Variants in DENND6A observed in about 807,000 individuals in gnomAD.
The protein encoded by DENND6A is DENN domain containing 6A.
DENND6A carries 43 observed loss-of-function variants against 95.5 expected under a neutral mutation model. The observed-to-expected ratio is 0.45, with a 90% CI of 0.35 to 0.58. DENND6A has a LOEUF of 0.58. DENND6A is among the 20% of genes least tolerant of loss of function. The probability of loss-of-function intolerance (pLI) is 0.00; values close to 1 mark genes in which losing one functional copy is unlikely to be tolerated. For missense variants in DENND6A, 574 were observed against 736.0 expected (o/e 0.78, Z 2.55); for synonymous variants, 257 against 260.4 (o/e 0.99, Z 0.13).
At chr3:57,682,957 C>A (rs750840948) in intron 1 of DENND6A, among the ~76,000 whole-genome samples, 4 of 152,194 alleles carry the variant, frequency 2.6e-5, no homozygotes, top group Non-Finnish European at 5.9e-5. Context: ...GGACTACAGG[C>A]ATGAGCCAGC....
chr3:57,679,930 G>A (rs1180491795), intron 1 of DENND6A, among the ~76,000 whole-genome samples: 1 of 152,152 alleles, frequency 6.6e-6, no homozygotes, highest in African/African-American at 2.4e-5. Flanking sequence ...TATAGAGATG[G>A]TACAGGGTGC....
chr3:57,628,135 T>C lies in DENND6A; in HGVS notation c.*79A>G. On this transcript the variant is annotated 3_prime_UTR_variant, in exon 20 of 20. Coordinates refer to ENST00000311128, the MANE Select transcript of DENND6A (RefSeq NM_152678.3). ...TTTCCACTCCGCTGCCACTGAGAGA[T>C]CTCCTTTGTGCGTCTGGTTGAAATG... 6.5e-7 allele frequency: 1 copy of C among 1,541,168 alleles called. No homozygotes were observed. The highest frequency in any genetic ancestry group is 8.7e-7 in the Non-Finnish European group (1 of 1,143,164).
intron 12 of DENND6A, among the ~76,000 whole-genome samples, chr3:57,635,130 C>T (rs2070763963): frequency 6.6e-6 from 1 of 152,166 alleles, no homozygotes. Flanking sequence ...ATAAAATACC[C>T]TTTAAGTATA....
At chr3:57,631,178 C>T in intron 15 of DENND6A, 200 bp from the exon 16 acceptor site, 1 of 557,040 alleles carries the variant, frequency 1.8e-6, no homozygotes, top group Non-Finnish European at 3.2e-6. Context: ...TCAACTAAAT[C>T]TTAGATAAAC....
rs2077191725 is a variant in DENND6A, at chr3:57,684,200, G to A, written c.237+8582C>T. 2.0e-5 allele frequency among the ~76,000 whole-genome samples: 3 copies of A among 147,870 alleles called. No individual in the cohort carries two copies. The Admixed American group carries it at 2.1e-4, about 10-fold the overall frequency. On this transcript the variant is annotated intron_variant, in intron 1 of 19. Coordinates refer to ENST00000311128, the MANE Select transcript of DENND6A (RefSeq NM_152678.3). ...TTATGGGCCAGGCACGGTGGCCCAT[G>A]CCTGTAATCCCAGCACCTTGGGAGG... is the stretch of plus-strand genomic sequence containing the variant.
intron 1 of DENND6A, among the ~76,000 whole-genome samples, chr3:57,691,701 C>CAAAAA (rs2077267228): frequency 7.2e-6 from 1 of 138,354 alleles, no homozygotes; most frequent in African/African-American, 2.7e-5. Flanking sequence ...AAACCAAAAC[C>CAAAAA]AAAACGTCTA....
At chr3:57,679,571 C>A in intron 1 of DENND6A, 2 of 985,378 alleles carry the variant, frequency 2.0e-6, no homozygotes, top group Non-Finnish European at 2.4e-6. Context: ...AAGTACAGTA[C>A]TGGTACCAAA....
chr3:57,663,783 A>G, intron 4 of DENND6A, 67 bp from the exon 5 acceptor site: 3 of 875,176 alleles, frequency 3.4e-6, no homozygotes, highest in South Asian at 5.3e-5. Flanking sequence ...ATCTATATCC[A>G]TATCTATATC....
chr3:57,651,541 A>AG (rs1424161342), intron 9 of DENND6A, among the ~76,000 whole-genome samples: 1 of 152,190 alleles, frequency 6.6e-6, no homozygotes, highest in Non-Finnish European at 1.5e-5. Flanking sequence ...TAATAGGTAC[A>AG]GGGTTATGTT....
intron 4 of DENND6A, 193 bp downstream of exon 4, chr3:57,665,930 C>A: frequency 2.1e-6 from 1 of 485,242 alleles, no homozygotes; most frequent in South Asian, 3.5e-5. Context: ...ATGTTTCAAA[C>A]ATAGTAACTG....
intron 9 of DENND6A, among the ~76,000 whole-genome samples, chr3:57,652,662 G>A (rs534691596): frequency 2.6e-5 from 4 of 152,174 alleles, no homozygotes; most frequent in Non-Finnish European, 5.9e-5. Flanking sequence ...TAACTTATCA[G>A]TGGAGAAGCT....
intron 1 of DENND6A, among the ~76,000 whole-genome samples, chr3:57,678,994 C>T (rs1402779479): frequency 6.6e-6 from 1 of 152,240 alleles, no homozygotes; most frequent in Admixed American, 6.5e-5. Context: ...ATCACAGCTA[C>T]TCAGGAAGCT....
rs572281289 is a variant in DENND6A at position 57,637,760 on chromosome 3, A to T, written c.1133-2991T>A. Among the ~76,000 whole-genome samples, 243 of 127,662 alleles carry T rather than the reference A, an allele frequency of 1.9e-3. 1 individual carries two copies. The highest frequency in any genetic ancestry group is 3.2e-3 in the Non-Finnish European group (191 of 58,812). The allele number at this position is 127,662 out of a possible 152,430, so 83.8% of individuals were successfully genotyped here. ...AAGCAATACAAAGAAAAAATAAATA[A>T]GACTTCAAAAAAAAAAAAAGCAGAA... On this transcript the variant is annotated intron_variant, in intron 12 of 19. Coordinates refer to ENST00000311128, the MANE Select transcript of DENND6A (RefSeq NM_152678.3).
At chr3:57,668,926 G>A (rs751573408) in intron 3 of DENND6A, among the ~76,000 whole-genome samples, 6 of 152,158 alleles carry the variant, frequency 3.9e-5, no homozygotes, top group Non-Finnish European at 8.8e-5. Flanking sequence ...AGCCTGGAGT[G>A]CAGTGGCACA....
At chr3:57,650,395 A>T (rs2071178873) in intron 9 of DENND6A, among the ~76,000 whole-genome samples, 1 of 148,634 alleles carries the variant, frequency 6.7e-6, no homozygotes, top group Admixed American at 6.9e-5. Context: ...TTAATATATG[A>T]GTGTGTATAT....
intron 9 of DENND6A, chr3:57,654,965 C>T (rs1163849096): frequency 8.4e-6 from 2 of 237,252 alleles, no homozygotes; most frequent in African/African-American, 2.3e-5. Flanking sequence ...ATATTAAATG[C>T]TTGATATAAT....
intron 18 of DENND6A, among the ~76,000 whole-genome samples, chr3:57,629,660 T>G (rs1186557195): frequency 6.6e-6 from 1 of 150,752 alleles, no homozygotes; most frequent in Non-Finnish European, 1.5e-5. Context: ...TACAGGCGCC[T>G]GCCACCACGC....
intron 1 of DENND6A, among the ~76,000 whole-genome samples, chr3:57,688,166 G>A (rs577134925): frequency 6.6e-6 from 1 of 151,764 alleles, no homozygotes; most frequent in East Asian, 1.9e-4. Flanking sequence ...GCCTATTTTT[G>A]TATTTTTTTA....
intron 3 of DENND6A, among the ~76,000 whole-genome samples, chr3:57,670,002 A>G (rs1313954849): frequency 6.7e-6 from 1 of 148,304 alleles, no homozygotes; most frequent in Non-Finnish European, 1.5e-5. Context: ...CCTGGGTGAC[A>G]GAGCAAAACT....
Sources: allele counts gnomAD v4.1 joint callset (sites outside exome capture counted in the v4.1 genomes callset), GRCh38; gene constraint gnomAD v4.1.1; transcripts MANE v1.5; gene names NCBI Gene and HGNC (gene_info 2026-07-23, HGNC 2026-07-21).